Variants in SLC4A10 observed in about 807,000 individuals in gnomAD.
SLC4A10 encodes the protein sodium-driven chloride bicarbonate exchanger.
In SLC4A10, 42 loss-of-function variants were observed where a neutral mutation model predicts 137.7. The ratio of observed to expected loss-of-function variants is 0.30; its 90% CI spans 0.24 to 0.39. The LOEUF (loss-of-function observed/expected upper bound fraction) is 0.39. SLC4A10 is among the 10% of genes least tolerant of loss of function. The pLI is 1.00. For missense variants in SLC4A10, 925 were observed against 1,355.0 expected (o/e 0.68, Z 4.98); for synonymous variants, 474 against 464.1 (o/e 1.02, Z -0.27).
In SLC4A10 at chr2:161,624,535, A is replaced by G. The variant is rs370756267; in HGVS notation, c.17A>G (p.Gln6Arg). The G allele has an allele frequency of 6.4e-6, 10 of 1,553,894 alleles. No homozygotes were observed. Among genetic ancestry groups the G allele is most frequent in the African/African-American group, 1.4e-5 (1 of 73,126 alleles). ...TTACAAAACATGGAGATTAAAGACC[A>G]GGGAGCCCAAATGGAGCCGCTGCTG... MEIKD[Q>R]GAQMEPLLPT... The change falls in exon 1 of 27, where the codon CAG becomes CGG. Residue 6 changes from glutamine (Q) to arginine (R), a missense_variant. Gln to Arg is a conservative substitution (Grantham distance 43). Around this residue, in one of 11 missense-constraint regions of SLC4A10, gnomAD observed 138 missense variants for 171.3 expected, o/e 0.81. Coordinates refer to ENST00000446997, the MANE Select transcript of SLC4A10 (RefSeq NM_001178015.2).
chr2:161,659,852 C>T (rs541647869), intron 1 of SLC4A10, among the ~76,000 whole-genome samples: 3 of 152,016 alleles, frequency 2.0e-5, no homozygotes, highest in African/African-American at 4.8e-5. Flanking sequence ...ATATATGCTA[C>T]GATATGAATG....
intron 6 of SLC4A10, among the ~76,000 whole-genome samples, chr2:161,865,472 G>A (rs2060684316): frequency 6.6e-6 from 1 of 151,952 alleles, no homozygotes; most frequent in East Asian, 1.9e-4. Context: ...CGAGGCATAC[G>A]TAAGGGCAAT....
chr2:161,690,912 T>C (rs190118518), intron 1 of SLC4A10, among the ~76,000 whole-genome samples: 11 of 152,198 alleles, frequency 7.2e-5, no homozygotes, highest in Non-Finnish European at 1.2e-4. Flanking sequence ...GTAACAAACC[T>C]GCATGTCCTG....
intron 8 of SLC4A10, 71 bp downstream of exon 8, chr2:161,874,076 C>A: frequency 7.0e-7 from 1 of 1,419,030 alleles, no homozygotes; most frequent in South Asian, 1.2e-5. Flanking sequence ...GCATGTGATT[C>A]AAACATTAAG....
intron 6 of SLC4A10, among the ~76,000 whole-genome samples, chr2:161,867,380 T>C (rs1257488668): frequency 6.6e-6 from 1 of 151,992 alleles, no homozygotes; most frequent in Non-Finnish European, 1.5e-5. Context: ...TGTTCTACCT[T>C]TGAAGAAAAA....
chr2:161,796,823 C>T (rs2054825352), intron 2 of SLC4A10, among the ~76,000 whole-genome samples: 2 of 152,136 alleles, frequency 1.3e-5, no homozygotes, highest in Non-Finnish European at 1.5e-5. Flanking sequence ...CCTTTCTGTT[C>T]TTAATTACTG....
In SLC4A10 at chr2:161,873,281, G is replaced by A. The variant is rs550069499; in HGVS notation, c.859-635G>A. Reference sequence around the variant, plus strand: ...ACTTGAATGTATTCTTAGAAAATGAGTCAGTGACAATGATGTGATTTTGAT... The same window carrying A: ...ACTTGAATGTATTCTTAGAAAATGAATCAGTGACAATGATGTGATTTTGAT... On this transcript the variant is annotated intron_variant, in intron 7 of 26. Coordinates refer to ENST00000446997, the MANE Select transcript of SLC4A10 (RefSeq NM_001178015.2). Among the ~76,000 whole-genome samples, 3 of 152,210 alleles carry A rather than the reference G, an allele frequency of 2.0e-5. No individual in the cohort carries two copies. In the South Asian group the frequency reaches 6.2e-4, roughly 32 times the overall value.
At chr2:161,812,533 G>A (rs532058154) in intron 3 of SLC4A10, among the ~76,000 whole-genome samples, 7 of 152,008 alleles carry the variant, frequency 4.6e-5, no homozygotes, top group African/African-American at 9.6e-5. Flanking sequence ...TCCCAGCTCC[G>A]GTGATTCCAA....
chr2:161,774,576 T>C (rs568302191), intron 2 of SLC4A10, among the ~76,000 whole-genome samples: 1 of 151,920 alleles, frequency 6.6e-6, no homozygotes, highest in African/African-American at 2.4e-5. Context: ...GCCTCTTGCC[T>C]ATAGGAGCTG....
chr2:161,812,920 A>G (rs1559305957), intron 3 of SLC4A10, among the ~76,000 whole-genome samples: 1 of 152,104 alleles, frequency 6.6e-6, no homozygotes, highest in East Asian at 1.9e-4. Context: ...TATCTGCAGA[A>G]TAAATTCTGC....
At chr2:161,737,462 T>C (rs1422259963) in intron 1 of SLC4A10, among the ~76,000 whole-genome samples, 6 of 151,966 alleles carry the variant, frequency 3.9e-5, no homozygotes, top group African/African-American at 1.4e-4. Flanking sequence ...GCCAAATGTT[T>C]AGTGGATGTA....
intron 2 of SLC4A10, among the ~76,000 whole-genome samples, chr2:161,794,676 G>C (rs1249440205): frequency 6.6e-6 from 1 of 152,170 alleles, no homozygotes; most frequent in African/African-American, 2.4e-5. Context: ...CCGTCTCTAT[G>C]TTCACACGAG....
chr2:161,841,023 G>T (rs921819373), intron 4 of SLC4A10, among the ~76,000 whole-genome samples: 14 of 152,122 alleles, frequency 9.2e-5, no homozygotes, highest in African/African-American at 3.4e-4. Context: ...ATTCTAGGCA[G>T]AGATAGCAGG....
At chr2:161,647,082 T>C (rs925782587) in intron 1 of SLC4A10, among the ~76,000 whole-genome samples, 1 of 152,026 alleles carries the variant, frequency 6.6e-6, no homozygotes, top group Non-Finnish European at 1.5e-5. Flanking sequence ...GGAATGATTA[T>C]ACAGGATCTT....
chr2:161,663,899 G>A (rs2038740803), intron 1 of SLC4A10, among the ~76,000 whole-genome samples: 1 of 151,972 alleles, frequency 6.6e-6, no homozygotes, highest in East Asian at 1.9e-4. Flanking sequence ...TGGGGAGGCT[G>A]TATATTTCAT....
intron 1 of SLC4A10, among the ~76,000 whole-genome samples, chr2:161,680,263 A>G (rs2040712500): frequency 6.6e-6 from 1 of 152,168 alleles, no homozygotes; most frequent in Non-Finnish European, 1.5e-5. Context: ...GCTGTCATTC[A>G]TACTTAATAG....
intron 1 of SLC4A10, among the ~76,000 whole-genome samples, chr2:161,706,151 T>TGC (rs1415621652): frequency 6.6e-6 from 1 of 151,530 alleles, no homozygotes; most frequent in Non-Finnish European, 1.5e-5. Context: ...AGAGCTGCTT[T>TGC]GCACTCAGGT....
At chr2:161,875,437 A>G (rs2061403756) in intron 8 of SLC4A10, among the ~76,000 whole-genome samples, 1 of 152,192 alleles carries the variant, frequency 6.6e-6, no homozygotes, top group Non-Finnish European at 1.5e-5. Context: ...ATATGATTTG[A>G]TCATATTTAT....
chr2:161,777,275 A>G (rs914853018), intron 2 of SLC4A10, among the ~76,000 whole-genome samples: 1 of 151,842 alleles, frequency 6.6e-6, no homozygotes, highest in African/African-American at 2.4e-5. Context: ...CAGATATATG[A>G]TTAGTCAATA....
Sources: gnomAD v4.1 joint callset for allele counts (sites outside exome capture counted in the v4.1 genomes callset) on GRCh38, gnomAD v4.1.1 for gene constraint, gnomAD v4.1.1 regional missense constraint, MANE v1.5 for transcripts, NCBI Gene and HGNC (gene_info 2026-07-23, HGNC 2026-07-21) for gene names.